The following HCN2 variants were observed in gnomAD, a reference collection of about 807,000 sequenced individuals.
The protein encoded by HCN2 is hyperpolarization activated cyclic nucleotide gated potassium and sodium channel 2.
Under a neutral mutation model 52.3 loss-of-function variants are expected in HCN2, and 20 were observed. That is an observed-to-expected ratio of 0.38 (90% CI 0.27 to 0.56). The LOEUF is 0.56. HCN2 is among the 20% of genes least tolerant of loss of function. The pLI, the probability that HCN2 is intolerant of heterozygous loss-of-function variation, is 0.71. For synonymous variants in HCN2, 694 were observed against 537.0 expected (o/e 1.29, Z -4.04); for missense variants, 981 against 1,207.7 (o/e 0.81, Z 2.78).
chr19:613,150 G>A, intron 5 of HCN2, 98 bp from the exon 6 acceptor site: 2 of 1,442,558 alleles, frequency 1.4e-6, no homozygotes, highest in Non-Finnish European at 1.9e-6. Context: ...CTCAGACGAG[G>A]AAACTGGGGT....
At position 615,887 on chromosome 19, in the gene HCN2, G is replaced by A. The variant is rs768669188; in HGVS notation, c.2083G>A (p.Val695Ile). Residue 695 changes from valine (V) to isoleucine (I), a missense_variant, in exon 8 of 8, where the codon GTC becomes ATC. Transcript: ENST00000251287. Reference sequence around the variant, plus strand: ...GGAGAACGCCATCATCCAGGAGATCGTCAAGTACGACCGCGAGATGGTGCA... The same window carrying A: ...GGAGAACGCCATCATCCAGGAGATCATCAAGTACGACCGCGAGATGGTGCA... ...NQENAIIQEI[V>I]KYDREMVQQA... is the part of the protein sequence containing the mutation. 5 of 1,612,866 alleles carry A rather than the reference G, an allele frequency of 3.1e-6. No individual in the cohort carries two copies. Among genetic ancestry groups the A allele is most frequent in the Admixed American group, 3.3e-5 (2 of 60,004 alleles).
At chr19:612,393 G>GGTGGGGGTGTGTGTGTGTGTGTGTGTGT (rs1215986490) in intron 5 of HCN2, among the ~76,000 whole-genome samples, 8 of 141,770 alleles carry the variant, frequency 5.6e-5, no homozygotes, top group African/African-American at 1.6e-4. Context: ...GCTTTCCACT[G>GGTGGGGGTGTGTGTGTGTGTGTGTGTGT]GTGTGTGTGT....
intron 5 of HCN2, among the ~76,000 whole-genome samples, chr19:611,366 G>A (rs570226465): frequency 9.2e-5 from 14 of 152,334 alleles, no homozygotes; most frequent in South Asian, 4.1e-4. Flanking sequence ...GGACGAGGAC[G>A]GGGAGGCGAC....
chr19:610,008 C>G (rs532754426), intron 4 of HCN2, among the ~76,000 whole-genome samples: 1 of 152,246 alleles, frequency 6.6e-6, no homozygotes, highest in African/African-American at 2.4e-5. Context: ...TGGCGGAGGC[C>G]TGTCTCCCCG....
In HCN2 at chr19:592,635, C is replaced by G. The variant is rs531181545; in HGVS notation, c.632+2058C>G. Among the ~76,000 whole-genome samples, 175 of 152,188 alleles carry G rather than the reference C, an allele frequency of 1.1e-3. No individual in the cohort carries two copies. Among genetic ancestry groups the G allele is most frequent in the Non-Finnish European group, 2.0e-3 (134 of 67,986 alleles). ...CCTGTCTTCGGGACTAGGGGAGTCA[C>G]GGCAGTCAGATTTTAAAAAAGGATT... On this transcript the variant is annotated intron_variant, in intron 1 of 7. Coordinates refer to ENST00000251287, the MANE Select transcript of HCN2 (RefSeq NM_001194.4). This position sits in a 1 kb window ranked among gnomAD's most constrained non-coding sequence, Gnocchi z 4.8.
At chr19:610,843 C>T (rs1419956575) in intron 5 of HCN2, among the ~76,000 whole-genome samples, 3 of 152,120 alleles carry the variant, frequency 2.0e-5, no homozygotes, top group African/African-American at 7.2e-5. Context: ...GTGGCTTGAA[C>T]AGCGGAGATT....
chr19:596,856 G>A (rs565089733), intron 1 of HCN2, among the ~76,000 whole-genome samples: 108 of 152,264 alleles, frequency 7.1e-4, no homozygotes, highest in Non-Finnish European at 1.3e-3. Context: ...AGGCAGGAGA[G>A]GGTCTCCCAA....
chr19:613,896 G>C lies in HCN2; in HGVS notation c.1870G>C (p.Ala624Pro), dbSNP rs761997991. ...TRGRRTASVR[A>P]DTYCRLYSLS... ...GGGCCGCCGCACGGCGAGCGTGCGG[G>C]CTGACACCTACTGCCGCCTCTATTC... The change falls in exon 7 of 8, where the codon GCT (alanine) becomes CCT (proline). Residue 624 changes from alanine to proline, a missense_variant. Ala to Pro is a conservative substitution (Grantham distance 27). Transcript: ENST00000251287. 2 of 1,601,202 alleles carry C rather than the reference G, an allele frequency of 1.2e-6. No homozygotes were observed. The highest frequency in any genetic ancestry group is 3.4e-5 in the Admixed American group (2 of 59,460).
At chr19:598,289 C>A (rs1412403489) in intron 1 of HCN2, among the ~76,000 whole-genome samples, 3 of 152,106 alleles carry the variant, frequency 2.0e-5, no homozygotes, top group Non-Finnish European at 4.4e-5. Context: ...GGGGACCCCT[C>A]CCCACCCCGA....
At chr19:593,882 C>A (rs1982945518) in intron 1 of HCN2, among the ~76,000 whole-genome samples, 1 of 152,044 alleles carries the variant, frequency 6.6e-6, no homozygotes, top group Non-Finnish European at 1.5e-5. Context: ...AGGGGTTTGG[C>A]CTTATGCAAC....
At position 608,026 on chromosome 19, in the gene HCN2, C is replaced by T. The variant is rs371009589; in HGVS notation, c.1281C>T (p.Cys427=). 4.8e-5 allele frequency: 78 copies of T among 1,613,052 alleles called. No individual in the cohort carries two copies. The Middle Eastern group carries it at 6.8e-4, about 14-fold the overall frequency. Residue 427 remains cysteine, a synonymous_variant, in exon 4 of 8, where the codon TGC becomes TGT. Coordinates refer to ENST00000251287, the MANE Select transcript of HCN2 (RefSeq NM_001194.4). ...TCAAGGCCATGAGCCACATGCTGTG[C>T]ATCGGGTACGGCCGGCAGGCGCCCG... The part of the protein sequence containing the change: ...ALFKAMSHML[C]IGYGRQAPES...
chr19:609,849 G>A, intron 4 of HCN2, among the ~76,000 whole-genome samples: 1 of 152,202 alleles, frequency 6.6e-6, no homozygotes, highest in East Asian at 1.9e-4. Context: ...GCAGTGAGCT[G>A]TGATTGCACC....
intron 5 of HCN2, among the ~76,000 whole-genome samples, chr19:612,140 G>A (rs985268700): frequency 2.6e-4 from 39 of 150,280 alleles, no homozygotes; most frequent in African/African-American, 7.9e-4. Context: ...GCGAGACTCC[G>A]TCTCAAAAAA....
At chr19:596,529 C>T (rs1473561213) in intron 1 of HCN2, among the ~76,000 whole-genome samples, 3 of 152,220 alleles carry the variant, frequency 2.0e-5, no homozygotes, top group Non-Finnish European at 2.9e-5. Context: ...AGGAAGGGGC[C>T]CTCGTAGAGG....
Position 616,760 on chromosome 19 carries a change from T to G in HCN2, c.*286T>G. 2 of 192,938 alleles carry G rather than the reference T, an allele frequency of 1.0e-5. No homozygotes were observed. Among genetic ancestry groups the G allele is most frequent in the Non-Finnish European group, 2.1e-5 (2 of 95,666 alleles). 12.0% of individuals were successfully genotyped at this position (192,938 alleles called of 1,614,324 possible). ...CTCGGTGCCTCAGTTCCCCCAGCTG[T>G]AAGACAGGGACGGGGCGGCCCAGTG... On this transcript the variant is annotated 3_prime_UTR_variant, in exon 8 of 8. Coordinates refer to ENST00000251287, the MANE Select transcript of HCN2 (RefSeq NM_001194.4).
Position 615,792 on chromosome 19 carries a change from C to A in HCN2, c.1991-3C>A. 1 of 1,611,420 alleles carries A rather than the reference C, an allele frequency of 6.2e-7. No individual in the cohort carries two copies. The highest frequency in any genetic ancestry group is 1.3e-5 in the African/African-American group (1 of 75,006). On this transcript the variant is annotated splice_polypyrimidine_tract_variant and splice_region_variant and intron_variant, in intron 7 of 7. Transcript: ENST00000251287. ...GCACACGCTAACGCCCCCTCTCCCG[C>A]AGGCAAGAAGAATTCCATCCTCCTG...
At chr19:600,138 G>C (rs1163281400) in intron 1 of HCN2, among the ~76,000 whole-genome samples, 18 of 152,076 alleles carry the variant, frequency 1.2e-4, no homozygotes, top group Admixed American at 1.0e-3. Context: ...CCTTCAGCAA[G>C]AGCCCTTGGC....
Position 592,625 on chromosome 19 carries a change from A to G in HCN2, c.632+2048A>G, listed in dbSNP as rs1195758698. On this transcript the variant is annotated intron_variant, in intron 1 of 7. Coordinates refer to ENST00000251287, the MANE Select transcript of HCN2 (RefSeq NM_001194.4). This position sits in a 1 kb window ranked among gnomAD's most constrained non-coding sequence, Gnocchi z 4.8. ...GTTAGCGGGGCCTGTCTTCGGGACTAGGGGAGTCACGGCAGTCAGATTTTA... is the reference window on the plus strand; with the variant it reads ...GTTAGCGGGGCCTGTCTTCGGGACTGGGGGAGTCACGGCAGTCAGATTTTA... 1.3e-5 allele frequency among the ~76,000 whole-genome samples: 2 copies of G among 152,072 alleles called. No homozygotes were observed. Among genetic ancestry groups the G allele is most frequent in the African/African-American group, 2.4e-5 (1 of 41,396 alleles).
rs1568370047 is a variant in HCN2 at position 615,809 on chromosome 19, ATCC to A, written c.2010_2012del (p.Leu671del). The stretch of plus-strand genomic sequence containing the variant: ...CTCTCCCGCAGGCAAGAAGAATTCC[ATCC>A]TCCTGCACAAGGTGCAGCATGACCT... On this transcript the variant is annotated inframe_deletion, in exon 8 of 8. Transcript: ENST00000251287. 4 of 1,611,802 alleles carry A rather than the reference ATCC, an allele frequency of 2.5e-6. No homozygotes were observed. The highest frequency in any genetic ancestry group is 3.4e-6 in the Non-Finnish European group (4 of 1,179,608).
Sources: allele counts gnomAD v4.1 joint callset (sites outside exome capture counted in the v4.1 genomes callset), GRCh38; gene constraint gnomAD v4.1.1; non-coding constraint Gnocchi (gnomAD v3.1); transcripts MANE v1.5; gene names NCBI Gene and HGNC (gene_info 2026-07-23, HGNC 2026-07-21).